CAMK2D: variants seen among roughly 807,000 people sequenced by gnomAD.
CAMK2D encodes the protein calcium/calmodulin-dependent protein kinase type II subunit delta.
Under a neutral mutation model 84.0 loss-of-function variants are expected in CAMK2D, and 37 were observed. The observed-to-expected ratio is 0.44, with a 90% CI of 0.34 to 0.58. The LOEUF is 0.58. CAMK2D is among the 20% of genes least tolerant of loss of function. CAMK2D has a pLI of 0.02. For missense variants in CAMK2D, 448 were observed against 652.5 expected (o/e 0.69, Z 3.41); for synonymous variants, 202 against 212.5 (o/e 0.95, Z 0.43).
intron 3 of CAMK2D, among the ~76,000 whole-genome samples, chr4:113,625,806 C>T (rs2099065539): frequency 6.6e-6 from 1 of 151,980 alleles, no homozygotes; most frequent in Non-Finnish European, 1.5e-5. Flanking sequence ...GTTTTAAGAA[C>T]ACATCCGTGA....
In CAMK2D at chr4:113,453,463, T is replaced by C. The variant is rs978971254; in HGVS notation, c.*1082A>G. The stretch of plus-strand genomic sequence containing the variant: ...CAGTCACAGGAGGAACTTGCTTTTA[T>C]CCTAACTTTAAACAATGCAAATACC... On this transcript the variant is annotated 3_prime_UTR_variant, in exon 21 of 21. Transcript: ENST00000511664. 6.6e-6 allele frequency: 1 copy of C among 152,170 alleles called. No homozygotes were observed. The highest frequency in any genetic ancestry group is 1.5e-5 in the Non-Finnish European group (1 of 68,038). 9.4% of individuals were successfully genotyped at this position (152,170 alleles called of 1,614,324 possible).
intron 4 of CAMK2D, among the ~76,000 whole-genome samples, chr4:113,583,465 A>G (rs1283611724): frequency 6.6e-6 from 1 of 152,208 alleles, no homozygotes; most frequent in African/African-American, 2.4e-5. Context: ...AATACACTGT[A>G]GCAGCCTTAT....
intron 8 of CAMK2D, among the ~76,000 whole-genome samples, chr4:113,530,124 C>A (rs1482888921): frequency 6.6e-6 from 1 of 152,154 alleles, no homozygotes; most frequent in Non-Finnish European, 1.5e-5. Context: ...AAAGATATTA[C>A]AGGGTGAGTA....
rs1306717014 is a variant in CAMK2D, at chr4:113,502,940, T to C, written c.1082A>G (p.Asn361Ser). ...QTTVIHNPDGNKESTESSNTT... is the reference protein window; with the variant it reads ...QTTVIHNPDGSKESTESSNTT... ...ATGTTGATTCTTTCTGAATACCTTG[T>C]TTCCATCAGGGTTGTGGATTACAGT... Residue 361 changes from asparagine to serine, a missense_variant, in exon 15 of 21, where the codon AAC becomes AGC. Physicochemically the swap from Asn to Ser is conservative, Grantham distance 46. Transcript: ENST00000511664. 1 of 1,602,928 alleles carries C rather than the reference T, an allele frequency of 6.2e-7. No homozygotes were observed.
chr4:113,501,358 CAAAT>C (rs1051321160), intron 15 of CAMK2D, among the ~76,000 whole-genome samples: 8 of 151,542 alleles, frequency 5.3e-5, no homozygotes, highest in Admixed American at 2.0e-4. Flanking sequence ...TATTTTCTAG[CAAAT>C]AAATTTTGCA....
intron 2 of CAMK2D, among the ~76,000 whole-genome samples, chr4:113,672,700 TA>T (rs1344162978): frequency 5.3e-5 from 8 of 151,446 alleles, no homozygotes; most frequent in African/African-American, 1.7e-4. Context: ...ATTAATTAAT[TA>T]AAAATAAAAT....
intron 2 of CAMK2D, among the ~76,000 whole-genome samples, chr4:113,740,643 A>G (rs566330628): frequency 1.3e-5 from 2 of 152,280 alleles, no homozygotes; most frequent in Admixed American, 6.5e-5. Context: ...TGGTTTGACT[A>G]GTAGTCATCT....
At chr4:113,614,400 C>A (rs1386032421) in intron 3 of CAMK2D, among the ~76,000 whole-genome samples, 1 of 152,032 alleles carries the variant, frequency 6.6e-6, no homozygotes, top group Non-Finnish European at 1.5e-5. Flanking sequence ...CCCACATTAC[C>A]TCTGGGCTTG....
chr4:113,497,539 G>C (rs1426825393), intron 16 of CAMK2D, among the ~76,000 whole-genome samples: 3 of 152,170 alleles, frequency 2.0e-5, no homozygotes, highest in Non-Finnish European at 4.4e-5. Flanking sequence ...GAGAACAGCT[G>C]GCCTTGTCTG....
chr4:113,700,500 T>A (rs1280923779), intron 2 of CAMK2D, among the ~76,000 whole-genome samples: 2 of 152,070 alleles, frequency 1.3e-5, no homozygotes, highest in Non-Finnish European at 2.9e-5. Context: ...CAAAGGGCCC[T>A]CCTCCTTAGC....
At chr4:113,522,708 C>T (rs569938960) in intron 8 of CAMK2D, among the ~76,000 whole-genome samples, 2 of 152,284 alleles carry the variant, frequency 1.3e-5, no homozygotes, top group South Asian at 4.2e-4. Flanking sequence ...AAAAGCATTG[C>T]ATCACCTGTT....
intron 4 of CAMK2D, among the ~76,000 whole-genome samples, chr4:113,587,788 GTCT>G (rs1395338259): frequency 6.6e-6 from 1 of 152,142 alleles, no homozygotes; most frequent in Non-Finnish European, 1.5e-5. Context: ...GCATGAGGCT[GTCT>G]ATCATCAGTA....
intron 4 of CAMK2D, among the ~76,000 whole-genome samples, chr4:113,571,319 C>G (rs1399437670): frequency 1.3e-5 from 2 of 151,926 alleles, no homozygotes; most frequent in Admixed American, 1.3e-4. Flanking sequence ...AAAATCAATA[C>G]GTTGAAGAGA....
chr4:113,542,970 C>T (rs1350092060), intron 6 of CAMK2D, among the ~76,000 whole-genome samples: 4 of 152,024 alleles, frequency 2.6e-5, no homozygotes, highest in Non-Finnish European at 5.9e-5. Context: ...CATTCTCTGC[C>T]GAGGCAATTC....
At chr4:113,503,230 A>G in intron 14 of CAMK2D, 1 of 690,474 alleles carries the variant, frequency 1.4e-6, no homozygotes. Context: ...CATTCAAACA[A>G]GGCTTTGATA....
chr4:113,729,801 C>G (rs911753383), intron 2 of CAMK2D, among the ~76,000 whole-genome samples: 1 of 152,042 alleles, frequency 6.6e-6, no homozygotes, highest in African/African-American at 2.4e-5. Flanking sequence ...TAAAAGAAGC[C>G]CCAGAGAACT....
At chr4:113,704,002 C>T (rs1488289754) in intron 2 of CAMK2D, among the ~76,000 whole-genome samples, 1 of 145,820 alleles carries the variant, frequency 6.9e-6, no homozygotes, top group Non-Finnish European at 1.5e-5. Context: ...TACCTGAAAA[C>T]CTTTTTGCTT....
chr4:113,510,808 A>ATATT (rs2098201790), intron 12 of CAMK2D, among the ~76,000 whole-genome samples: 1 of 152,170 alleles, frequency 6.6e-6, no homozygotes, highest in African/African-American at 2.4e-5. Context: ...TCATATTGGT[A>ATATT]TATTTTTAAA....
At position 113,759,345 on chromosome 4, in the gene CAMK2D, G is replaced by A. The variant is rs2099635553; in HGVS notation, c.135C>T (p.Ile45=). The change falls in exon 2 of 21, where the codon ATC becomes ATT. Residue 45 remains isoleucine, a synonymous_variant. Transcript: ENST00000511664. ...CCCTAGCAGAAAGCTTTTTGGTGTT[G>A]ATAATTTTGGCAGCATATTCTTGTC... ...PTGQEYAAKI[I]NTKKLSARDH... The A allele has an allele frequency of 6.2e-7, 1 of 1,607,722 alleles. No individual in the cohort carries two copies. Among genetic ancestry groups the A allele is most frequent in the Admixed American group, 1.7e-5 (1 of 59,842 alleles).
Sources: gnomAD v4.1 joint callset for allele counts (sites outside exome capture counted in the v4.1 genomes callset) on GRCh38, gnomAD v4.1.1 for gene constraint, MANE v1.5 for transcripts, NCBI Gene and HGNC (gene_info 2026-07-23, HGNC 2026-07-21) for gene names.